HERC1: variants seen among roughly 807,000 people sequenced by gnomAD.
The protein encoded by HERC1 is probable E3 ubiquitin-protein ligase HERC1.
HERC1 carries 160 observed loss-of-function variants against 554.3 expected under a neutral mutation model. That is an observed-to-expected ratio of 0.29 (90% CI 0.25 to 0.33). The LOEUF (loss-of-function observed/expected upper bound fraction) is 0.33, where lower values mean the gene tolerates loss of function less well. Ranked by LOEUF, HERC1 falls within the 10% of genes least tolerant of loss-of-function variation. The pLI is 1.00. For synonymous variants in HERC1, 2,175 were observed against 2,131.7 expected (o/e 1.02, Z -0.56); for missense variants, 4,919 against 5,918.5 (o/e 0.83, Z 5.54).
At chr15:63,689,421 T>C (rs909270621) in intron 33 of HERC1, among the ~76,000 whole-genome samples, 168 bp downstream of exon 33, 2 of 151,908 alleles carry the variant, frequency 1.3e-5, no homozygotes, top group African/African-American at 4.8e-5. Flanking sequence ...GAGTTAAGCA[T>C]GGTTATAAGC....
At chr15:63,786,924 T>A (rs1039054282) in intron 1 of HERC1, among the ~76,000 whole-genome samples, 4 of 150,216 alleles carry the variant, frequency 2.7e-5, no homozygotes, top group South Asian at 2.1e-4. Context: ...ATTATTATTT[T>A]TTTTTTTTTT....
intron 5 of HERC1, among the ~76,000 whole-genome samples, chr15:63,755,685 T>C (rs1328676985): frequency 6.6e-6 from 1 of 152,040 alleles, no homozygotes; most frequent in African/African-American, 2.4e-5. Context: ...AAAGCTGAGT[T>C]GGGAGGACCA....
chr15:63,821,184 G>A (rs755805821), intron 1 of HERC1, among the ~76,000 whole-genome samples: 2 of 152,086 alleles, frequency 1.3e-5, no homozygotes, highest in Non-Finnish European at 2.9e-5. Flanking sequence ...CACTTTGGGA[G>A]GCTGGGGTGA....
chr15:63,639,070 C>T (rs536000982), intron 61 of HERC1, among the ~76,000 whole-genome samples: 97 of 152,302 alleles, frequency 6.4e-4, no homozygotes, highest in Non-Finnish European at 1.1e-3. Context: ...GACCCCACAC[C>T]CCTGTAAACT....
Position 63,822,824 on chromosome 15 carries a change from T to A in HERC1, c.-27+11003A>T, listed in dbSNP as rs553582138. ...TGACAAAATGTGATCAGATTAGAAA[T>A]GTATTCAGAAAATAGAGCCAAGATG... On this transcript the variant is annotated intron_variant, in intron 1 of 77. Coordinates refer to ENST00000443617, the MANE Select transcript of HERC1 (RefSeq NM_003922.4). Among the ~76,000 whole-genome samples, 134 of 152,142 alleles carry A rather than the reference T, an allele frequency of 8.8e-4. 1 individual carries two copies. Among genetic ancestry groups the A allele is most frequent in the Non-Finnish European group, 1.7e-3 (114 of 67,996 alleles).
intron 70 of HERC1, among the ~76,000 whole-genome samples, chr15:63,626,399 C>G (rs1312244797): frequency 6.6e-6 from 1 of 152,096 alleles, no homozygotes; most frequent in Non-Finnish European, 1.5e-5. Context: ...GGAAATGAAA[C>G]CTGGTATTTT....
chr15:63,665,285 G>A (rs1009981672), intron 42 of HERC1, among the ~76,000 whole-genome samples: 1 of 152,174 alleles, frequency 6.6e-6, no homozygotes, highest in Non-Finnish European at 1.5e-5. Context: ...TGTAATCCCA[G>A]CACTTTGGAA....
At chr15:63,622,305 C>G (rs2068112708) in intron 74 of HERC1, among the ~76,000 whole-genome samples, 1 of 144,212 alleles carries the variant, frequency 6.9e-6, no homozygotes, top group African/African-American at 2.6e-5. Context: ...AATACCAAGT[C>G]TTGATGGAAG....
At chr15:63,747,184 G>A (rs2075084602) in intron 11 of HERC1, 101 bp from the exon 12 acceptor site, 1 of 1,048,456 alleles carries the variant, frequency 9.5e-7, no homozygotes, top group African/African-American at 1.6e-5. Flanking sequence ...TGTTGGCTAG[G>A]TGCGGTGGCT....
Position 63,658,564 on chromosome 15 carries a change from C to A in HERC1, c.9579G>T (p.Ala3193=), listed in dbSNP as rs776848656. The A allele has an allele frequency of 1.9e-6, 3 of 1,612,140 alleles. No individual in the cohort carries two copies. Among genetic ancestry groups the A allele is most frequent in the South Asian group, 1.1e-5 (1 of 90,916 alleles). Reference sequence around the variant, plus strand: ...CTTACCTGACTGAGAGAAGAGACAGCGCTCTCATGACCATGGTTCTGGCCA... The same window carrying A: ...CTTACCTGACTGAGAGAAGAGACAGAGCTCTCATGACCATGGTTCTGGCCA... ...VLLARTMVMR[A]LSLLSVSGSS... The change falls in exon 48 of 78, where the codon GCG becomes GCT. Residue 3193 remains alanine (A), a synonymous_variant. Coordinates refer to ENST00000443617, the MANE Select transcript of HERC1 (RefSeq NM_003922.4).
chr15:63,768,366 T>C (rs527742300), intron 2 of HERC1, among the ~76,000 whole-genome samples: 3 of 152,386 alleles, frequency 2.0e-5, no homozygotes, highest in East Asian at 3.8e-4. Flanking sequence ...AGTGCTATTG[T>C]CTGTGGCTCA....
At chr15:63,770,808 G>A (rs1355666139) in intron 2 of HERC1, among the ~76,000 whole-genome samples, 8 of 152,154 alleles carry the variant, frequency 5.3e-5, no homozygotes, top group East Asian at 1.9e-4. Flanking sequence ...AATTCAAGAC[G>A]GGGAGGATCA....
At chr15:63,789,184 G>C (rs573178581) in intron 1 of HERC1, among the ~76,000 whole-genome samples, 2 of 138,414 alleles carry the variant, frequency 1.4e-5, no homozygotes, top group African/African-American at 2.7e-5. Flanking sequence ...TCCGCCTCCC[G>C]GGTTCACGCC....
intron 12 of HERC1, among the ~76,000 whole-genome samples, chr15:63,743,982 T>C (rs2074932278): frequency 7.2e-6 from 1 of 138,564 alleles, no homozygotes; most frequent in South Asian, 2.2e-4. Context: ...ATCTAAACTG[T>C]ATCTACGTTG....
At chr15:63,671,248 T>A (rs1399155565) in intron 39 of HERC1, among the ~76,000 whole-genome samples, 11 of 151,094 alleles carry the variant, frequency 7.3e-5, no homozygotes, top group Non-Finnish European at 1.6e-4. Context: ...GGTACACTTG[T>A]AGTCCCAGCT....
Position 63,675,137 on chromosome 15 carries a change from G to A in HERC1, c.7071-20C>T, listed in dbSNP as rs1011642017. 1 of 1,550,786 alleles carries A rather than the reference G, an allele frequency of 6.4e-7. No homozygotes were observed. The highest frequency in any genetic ancestry group is 1.4e-5 in the African/African-American group (1 of 72,634). On this transcript the variant is annotated intron_variant, in intron 37 of 77. Transcript: ENST00000443617. Reference sequence around the variant, plus strand: ...GGGAAGCTTTAATAAAGATCAGAATGACACAGGAAGAAGCAAGTGAGGGAA... The same window carrying A: ...GGGAAGCTTTAATAAAGATCAGAATAACACAGGAAGAAGCAAGTGAGGGAA...
intron 2 of HERC1, among the ~76,000 whole-genome samples, chr15:63,764,562 T>C (rs947211629): frequency 6.6e-6 from 1 of 152,168 alleles, no homozygotes; most frequent in African/African-American, 2.4e-5. Context: ...CATGGGTATA[T>C]TGCCCACCTG....
intron 17 of HERC1, among the ~76,000 whole-genome samples, chr15:63,726,257 T>C (rs531148608): frequency 4.4e-4 from 67 of 152,302 alleles, no homozygotes; most frequent in African/African-American, 1.2e-3. Context: ...GCTGGGATTA[T>C]AGGCATGAGC....
In HERC1 at chr15:63,775,829, G is replaced by A. The variant is rs1174078705; in HGVS notation, c.-26-180C>T. On this transcript the variant is annotated intron_variant, in intron 1 of 77. Transcript: ENST00000443617. The surrounding 1 kb of genome is among the most constrained non-coding windows in gnomAD (Gnocchi z 4.0). ...AAAGTGGGCAGATCACTTGAGGCCA[G>A]GAGTTCAAGACGAGCCTGGCCAACA... Among the ~76,000 whole-genome samples the A allele has an allele frequency of 1.3e-5, 2 of 152,126 alleles. No homozygotes were observed. The highest frequency in any genetic ancestry group is 2.4e-5 in the African/African-American group (1 of 41,440).
Sources: gnomAD v4.1 joint callset for allele counts (sites outside exome capture counted in the v4.1 genomes callset) on GRCh38, gnomAD v4.1.1 for gene constraint, Gnocchi (gnomAD v3.1) non-coding constraint, MANE v1.5 for transcripts, NCBI Gene and HGNC (gene_info 2026-07-23, HGNC 2026-07-21) for gene names.